Variants in AGMO observed in about 807,000 individuals in gnomAD.
AGMO encodes glyceryl-ether monooxygenase.
A neutral mutation model predicts 60.2 loss-of-function variants in AGMO; 75 were observed. That is an observed-to-expected ratio of 1.25 (90% CI 1.03 to 1.51). The LOEUF (loss-of-function observed/expected upper bound fraction) is 1.51, where lower values mean the gene tolerates loss of function less well. Among genes scored for constraint, AGMO ranks in the 40% most tolerant of loss-of-function variants. The pLI, the probability that AGMO is intolerant of heterozygous loss-of-function variation, is 0.00. For synonymous variants in AGMO, 261 were observed against 177.1 expected, an observed-to-expected ratio of 1.47 and a Z score of -3.76; for missense variants, 763 against 525.5, an observed-to-expected ratio of 1.45 and a Z score of -4.42.
chr7:15,311,371 G>T (rs1780765743), intron 12 of AGMO, among the ~76,000 whole-genome samples: 2 of 152,008 alleles, frequency 1.3e-5, no homozygotes, highest in Admixed American at 6.6e-5. Context: ...TGCCAGGTTG[G>T]GAATCTAACA....
At chr7:15,128,014 T>A in the AGMO span, among the ~76,000 whole-genome samples, 1 of 152,082 alleles carries the variant, frequency 6.6e-6, no homozygotes, top group Non-Finnish European at 1.5e-5. Flanking sequence ...TCTGAGCCAT[T>A]GCTTGTAGTT....
rs1344275408 is a variant in AGMO, at chr7:15,224,265, A to G, written c.1264-22906T>C. Among the ~76,000 whole-genome samples, 3 of 152,192 alleles carry G rather than the reference A, an allele frequency of 2.0e-5. No individual in the cohort carries two copies. In the East Asian group the frequency reaches 5.8e-4, roughly 29 times the overall value. On this transcript the variant is annotated intron_variant, in intron 12 of 12. Transcript: ENST00000342526. ...ATCTTTCACCTCTGTTGCAGAATGA[A>G]TATTTGTGTCCACCCTCACAAATAC... is the stretch of plus-strand genomic sequence containing the variant.
chr7:15,357,500 C>CA (rs1481544124), intron 12 of AGMO, among the ~76,000 whole-genome samples: 1 of 152,122 alleles, frequency 6.6e-6, no homozygotes, highest in Non-Finnish European at 1.5e-5. Flanking sequence ...TACTGCTCTT[C>CA]AAATCAAAAG....
In AGMO at chr7:15,375,481, C is replaced by T. The variant is rs116839011; in HGVS notation, c.1075-9259G>A. 5.8e-3 allele frequency among the ~76,000 whole-genome samples: 839 copies of T among 145,320 alleles called. 13 individuals carry two copies. Among genetic ancestry groups the T allele is most frequent in the African/African-American group, 0.021 (791 of 38,544 alleles). On this transcript the variant is annotated intron_variant, in intron 10 of 12. Transcript: ENST00000342526. ...CACAATCTTGGCTTCTGCACAACCT[C>T]TAACTCCTGGGTTCAAGTGATTCTC...
the AGMO span, among the ~76,000 whole-genome samples, chr7:15,190,091 A>ATGCAGCAAACAGCTG: frequency 6.4e-3 from 2 of 314 alleles, 1 homozygote; most frequent in Non-Finnish European, 0.011. Flanking sequence ...ATATATATAT[A>ATGCAGCAAACAGCTG]TATTTATATA....
chr7:15,539,626 G>T (rs1236636794), intron 3 of AGMO, among the ~76,000 whole-genome samples: 2 of 152,006 alleles, frequency 1.3e-5, no homozygotes, highest in Non-Finnish European at 2.9e-5. Context: ...CTTTATAATG[G>T]AACAATTTAT....
chr7:15,497,407 C>G (rs577419707), intron 3 of AGMO, among the ~76,000 whole-genome samples: 1 of 152,120 alleles, frequency 6.6e-6, no homozygotes, highest in African/African-American at 2.4e-5. Flanking sequence ...ATTTTTTTAA[C>G]ATCACATATA....
At chr7:15,248,201 T>TATATATATAC (rs1782815364) in intron 12 of AGMO, among the ~76,000 whole-genome samples, 1 of 92,288 alleles carries the variant, frequency 1.1e-5, no homozygotes, top group Non-Finnish European at 2.3e-5. Flanking sequence ...TATATATATA[T>TATATATATAC]ATATATATAT....
downstream of AGMO, among the ~76,000 whole-genome samples, chr7:15,195,455 G>C (rs779784966): frequency 1.3e-5 from 2 of 152,198 alleles, no homozygotes; most frequent in Non-Finnish European, 2.9e-5. Context: ...TGGACCAGGT[G>C]TGACGCTTAC....
At chr7:15,436,429 G>A (rs1025354625) in intron 3 of AGMO, among the ~76,000 whole-genome samples, 2 of 152,096 alleles carry the variant, frequency 1.3e-5, no homozygotes, top group Non-Finnish European at 2.9e-5. Flanking sequence ...GAACCCACTC[G>A]CAAAAGCCCT....
the AGMO span, among the ~76,000 whole-genome samples, chr7:15,176,371 T>C: frequency 1.3e-5 from 2 of 151,888 alleles, no homozygotes; most frequent in African/African-American, 4.8e-5. Flanking sequence ...CACGTAAATA[T>C]GCCAAATTTT....
rs192830685 is a variant in AGMO at position 15,210,346 on chromosome 7, A to G, written c.1264-8987T>C. Among the ~76,000 whole-genome samples, 283 of 152,310 alleles carry G rather than the reference A, an allele frequency of 1.9e-3. 2 individuals are homozygous for G. The highest frequency in any genetic ancestry group is 6.3e-3 in the African/African-American group (262 of 41,588). ...CTACAATCTCCAGGTAAGTATATCA[A>G]TGAAATAGTACATAAGATCCTCTGC... On this transcript the variant is annotated intron_variant, in intron 12 of 12. Transcript: ENST00000342526.
chr7:15,333,859 C>A lies in AGMO; in HGVS notation c.1263+31655G>T, dbSNP rs1016677096. ...TAGTGGTCATTTTCTTTCATAGTATCCCAATTCCTATTGCATGTATTCCTA... is the reference window on the plus strand; with the variant it reads ...TAGTGGTCATTTTCTTTCATAGTATACCAATTCCTATTGCATGTATTCCTA... On this transcript the variant is annotated intron_variant, in intron 12 of 12. Coordinates refer to ENST00000342526, the MANE Select transcript of AGMO (RefSeq NM_001004320.2). Among the ~76,000 whole-genome samples the A allele has an allele frequency of 2.6e-5, 4 of 152,092 alleles. No individual in the cohort carries two copies. The South Asian group carries it at 6.2e-4, about 24-fold the overall frequency.
intron 3 of AGMO, among the ~76,000 whole-genome samples, chr7:15,539,212 A>G (rs1463307212): frequency 6.6e-6 from 1 of 151,934 alleles, no homozygotes; most frequent in African/African-American, 2.4e-5. Flanking sequence ...GTGTGTCATG[A>G]GATTTGGTGT....
At chr7:15,557,016 G>A (rs1351121745) in intron 2 of AGMO, among the ~76,000 whole-genome samples, 10 of 151,882 alleles carry the variant, frequency 6.6e-5, no homozygotes, top group South Asian at 2.1e-4. Flanking sequence ...ATTGTCCATC[G>A]TTAATATTTT....
At chr7:15,391,008 AACAGGGTACAAT>A (rs1784116560) in intron 6 of AGMO, 103 bp from the exon 7 acceptor site, 1 of 707,132 alleles carries the variant, frequency 1.4e-6, no homozygotes, top group Non-Finnish European at 2.3e-6. Flanking sequence ...TTCAGATTTA[AACAGGGTACAAT>A]TTCCCTGGGA....
Position 15,341,539 on chromosome 7 carries a change from A to C in AGMO, c.1263+23975T>G, listed in dbSNP as rs1781847933. ...TCTCTAGGAAGTTCCAAAGTTTCCC[A>C]CATCTTTCTGTCTTCTTCTGGGCCC... On this transcript the variant is annotated intron_variant, in intron 12 of 12. Transcript: ENST00000342526. Among the ~76,000 whole-genome samples, 4 of 152,226 alleles carry C rather than the reference A, an allele frequency of 2.6e-5. No individual in the cohort carries two copies. In the South Asian group the frequency reaches 6.2e-4, roughly 24 times the overall value.
chr7:15,186,864 A>G, the AGMO span, among the ~76,000 whole-genome samples: 6 of 152,102 alleles, frequency 3.9e-5, no homozygotes, highest in African/African-American at 1.4e-4. Context: ...CAGTGGAAAC[A>G]TTCCCTAATG....
intron 12 of AGMO, among the ~76,000 whole-genome samples, chr7:15,319,825 T>TA (rs1781052510): frequency 6.6e-6 from 1 of 152,060 alleles, no homozygotes; most frequent in South Asian, 2.1e-4. Flanking sequence ...TTTAAGGAGA[T>TA]ATATGCCAAG....
Sources: allele counts gnomAD v4.1 joint callset (sites outside exome capture counted in the v4.1 genomes callset), GRCh38; gene constraint gnomAD v4.1.1; transcripts MANE v1.5; gene names NCBI Gene and HGNC (gene_info 2026-07-23, HGNC 2026-07-21).